POC1B: variants seen among roughly 807,000 people sequenced by gnomAD.
POC1B encodes POC1 centriolar protein homolog B.
In POC1B, 44 loss-of-function variants were observed where a neutral mutation model predicts 60.6. The observed-to-expected ratio is 0.73, with a 90% CI of 0.57 to 0.93. The LOEUF (loss-of-function observed/expected upper bound fraction) is 0.93, where lower values mean the gene tolerates loss of function less well. Among genes scored for constraint, POC1B ranks in the 40% least tolerant of loss-of-function variants. The pLI, the probability that POC1B is intolerant of heterozygous loss-of-function variation, is 0.00. For synonymous variants in POC1B, 180 were observed against 198.9 expected (o/e 0.90, Z 0.80); for missense variants, 555 against 572.3 (o/e 0.97, Z 0.31).
At chr12:89,459,872 TG>T in intron 9 of POC1B, 154 bp from the exon 10 acceptor site, 1 of 485,554 alleles carries the variant, frequency 2.1e-6, no homozygotes, top group Non-Finnish European at 3.6e-6. Flanking sequence ...TTAAGCTAAA[TG>T]TTAGCCTACC....
intron 10 of POC1B, among the ~76,000 whole-genome samples, chr12:89,459,407 T>TAAAA (rs10535587): frequency 9.8e-6 from 1 of 102,438 alleles, no homozygotes; most frequent in Non-Finnish European, 2.1e-5. Context: ...ACTTAAAGTA[T>TAAAA]AAAAAAAAAA....
At position 89,420,989 on chromosome 12, in the gene POC1B, T is replaced by A; in HGVS notation, c.*164A>T. ...ATATGTGTTTAAATTAGTCCTTAGG[T>A]ATGCCTTTTCTGCCTTTTGTTCTGT... On this transcript the variant is annotated 3_prime_UTR_variant, in exon 12 of 12. Transcript: ENST00000313546. 2.0e-6 allele frequency: 1 copy of A among 495,596 alleles called. No individual in the cohort carries two copies. The highest frequency in any genetic ancestry group is 3.6e-6 in the Non-Finnish European group (1 of 276,214). The allele number at this position is 495,596 out of a possible 1,614,324, so 30.7% of individuals were successfully genotyped here.
At chr12:89,510,819 A>G (rs111567467) in intron 2 of POC1B, among the ~76,000 whole-genome samples, 3,704 of 145,894 alleles carry the variant, frequency 0.025, 71 homozygotes, top group Non-Finnish European at 0.036. Context: ...ATACAGTGGC[A>G]CAATCTCAGC....
At chr12:89,525,519 G>C in intron 1 of POC1B, 1 of 1,311,908 alleles carries the variant, frequency 7.6e-7, no homozygotes, top group Non-Finnish European at 9.7e-7. Context: ...GCCCAAGGCA[G>C]GCAGGTGCGA....
At chr12:89,448,865 T>G (rs922031162) in intron 10 of POC1B, among the ~76,000 whole-genome samples, 3 of 152,210 alleles carry the variant, frequency 2.0e-5, no homozygotes, top group Admixed American at 6.5e-5. Context: ...CAAGTAGGAA[T>G]AGGCAATGCT....
Position 89,499,989 on chromosome 12 carries a change from G to C in POC1B, c.101-2647C>G. 3 of 797,548 alleles carry C rather than the reference G, an allele frequency of 3.8e-6. No homozygotes were observed. In the South Asian group the frequency reaches 4.6e-5, roughly 12 times the overall value. 49.4% of individuals were successfully genotyped at this position (797,548 alleles called of 1,614,324 possible). A position where few individuals can be genotyped will look rare whatever the true frequency, so the allele number is the denominator to read the frequency against. On this transcript the variant is annotated intron_variant, in intron 2 of 11. Transcript: ENST00000313546. ...TTCGACTTAAGGGTGTTGCTTGGCC[G>C]CCGCCTGGTAGTCCGGCGATTCATT...
chr12:89,525,685 C>A lies in POC1B; in HGVS notation c.15+196G>T, dbSNP rs1376300247. The stretch of plus-strand genomic sequence containing the variant: ...AACTCGGGGAAGAGCGTCCGGGAGC[C>A]GGGTCTGGGTTCCGCACTCCGTCCG... On this transcript the variant is annotated intron_variant, in intron 1 of 11. Transcript: ENST00000313546. 5.6e-6 allele frequency: 7 copies of A among 1,244,470 alleles called. No individual in the cohort carries two copies. The African/African-American group carries it at 1.1e-4, about 19-fold the overall frequency. 77.1% of individuals were successfully genotyped at this position (1,244,470 alleles called of 1,614,324 possible).
At chr12:89,443,671 C>G (rs1317223797) in intron 10 of POC1B, among the ~76,000 whole-genome samples, 1 of 151,286 alleles carries the variant, frequency 6.6e-6, no homozygotes, top group Non-Finnish European at 1.5e-5. Flanking sequence ...AAAATTGACA[C>G]CCTAACATCA....
At chr12:89,418,801 T>G (rs1478365345), downstream of POC1B, among the ~76,000 whole-genome samples, 1 of 152,194 alleles carries the variant, frequency 6.6e-6, no homozygotes, top group East Asian at 1.9e-4. Flanking sequence ...ACTAGAAGCA[T>G]CTGCACTATG....
chr12:89,512,803 T>C (rs1870251248), intron 2 of POC1B, among the ~76,000 whole-genome samples: 1 of 152,124 alleles, frequency 6.6e-6, no homozygotes, highest in East Asian at 1.9e-4. Flanking sequence ...TATCTCTATT[T>C]TACAGAAGAG....
chr12:89,452,199 A>C (rs942983179), intron 10 of POC1B, among the ~76,000 whole-genome samples: 1 of 152,134 alleles, frequency 6.6e-6, no homozygotes, highest in African/African-American at 2.4e-5. Flanking sequence ...GATGCAGCTT[A>C]GATTCCCAGG....
intron 4 of POC1B, among the ~76,000 whole-genome samples, chr12:89,491,437 A>G (rs1005535182): frequency 1.3e-5 from 2 of 151,990 alleles, no homozygotes; most frequent in African/African-American, 4.8e-5. Context: ...CAGCTTGGGC[A>G]ACATGGTGAA....
intron 2 of POC1B, among the ~76,000 whole-genome samples, chr12:89,515,706 A>C (rs1403266650): frequency 6.6e-6 from 1 of 152,020 alleles, no homozygotes; most frequent in South Asian, 2.1e-4. Context: ...CACTTCTCAA[A>C]TCTCTGATTG....
chr12:89,523,854 A>G, intron 2 of POC1B: 1 of 1,554,194 alleles, frequency 6.4e-7, no homozygotes, highest in Non-Finnish European at 8.7e-7. Flanking sequence ...AACCGGAATT[A>G]CACTCACAGT....
chr12:89,445,861 G>C (rs973623183), intron 10 of POC1B, among the ~76,000 whole-genome samples: 8 of 152,186 alleles, frequency 5.3e-5, no homozygotes, highest in Non-Finnish European at 1.0e-4. Flanking sequence ...CTACCCATCT[G>C]AGAAACGGCT....
intron 10 of POC1B, among the ~76,000 whole-genome samples, chr12:89,431,767 T>C: frequency 6.6e-6 from 1 of 152,216 alleles, no homozygotes; most frequent in Non-Finnish European, 1.5e-5. Flanking sequence ...CTGTAACAAA[T>C]TACCACAAAC....
At chr12:89,443,824 T>C (rs1189555247) in intron 10 of POC1B, among the ~76,000 whole-genome samples, 1 of 152,102 alleles carries the variant, frequency 6.6e-6, no homozygotes, top group African/African-American at 2.4e-5. Flanking sequence ...AGCTGGTTTT[T>C]TGAAAAGATC....
the POC1B span, among the ~76,000 whole-genome samples, chr12:89,407,952 C>G: frequency 2.0e-5 from 3 of 152,148 alleles, no homozygotes; most frequent in Non-Finnish European, 2.9e-5. Context: ...GCTATCCCTC[C>G]CCTAGCCTCC....
At chr12:89,416,160 TG>T (rs1220569111), downstream of POC1B, among the ~76,000 whole-genome samples, 2 of 152,200 alleles carry the variant, frequency 1.3e-5, no homozygotes, top group African/African-American at 4.8e-5. Context: ...GCCTGCCTTT[TG>T]GGTAGGTTAA....
Sources: allele counts gnomAD v4.1 joint callset (sites outside exome capture counted in the v4.1 genomes callset), GRCh38; gene constraint gnomAD v4.1.1; transcripts MANE v1.5; gene names NCBI Gene and HGNC (gene_info 2026-07-23, HGNC 2026-07-21).